TERT: variants seen among roughly 807,000 people sequenced by gnomAD.
The protein encoded by TERT is telomerase catalytic subunit.
In TERT, 42 loss-of-function variants were observed where a neutral mutation model predicts 104.0. The observed-to-expected ratio is 0.40, with a 90% CI of 0.32 to 0.52. TERT has a LOEUF of 0.52. TERT is among the 20% of genes least tolerant of loss of function. The pLI, the probability that TERT is intolerant of heterozygous loss-of-function variation, is 0.43. For missense variants in TERT, 1,101 were observed against 1,610.3 expected, an observed-to-expected ratio of 0.68 and a Z score of 5.41; for synonymous variants, 781 against 725.6, an observed-to-expected ratio of 1.08 and a Z score of -1.23.
At chr5:1,260,408 A>T in intron 12 of TERT, 66 bp downstream of exon 12, 1 of 1,609,762 alleles carries the variant, frequency 6.2e-7, no homozygotes, top group East Asian at 2.2e-5. Context: ...GCGCACACAC[A>T]CACACACATA....
chr5:1,287,118 T>C lies in TERT; in HGVS notation c.1574-4494A>G, dbSNP rs1750541846. Among the ~76,000 whole-genome samples the C allele has an allele frequency of 6.6e-6, 1 of 152,082 alleles. No individual in the cohort carries two copies. Among genetic ancestry groups the C allele is most frequent in the Non-Finnish European group, 1.5e-5 (1 of 68,026 alleles). ...ACAAAAAAATGAAAATAAATCAGGT[T>C]ATCCAGTTAAACAACGACTGTCAGA... On this transcript the variant is annotated intron_variant, in intron 2 of 15. Transcript: ENST00000310581. This position sits in a 1 kb window ranked among gnomAD's most constrained non-coding sequence, Gnocchi z 4.3.
In TERT at chr5:1,269,026, A is replaced by G. The variant is rs1171899477; in HGVS notation, c.2469-393T>C. Reference sequence around the variant, plus strand: ...CACGGTGAAAGACTCATGACCCTACATGTAGCCGCTGCGCGCCAACGGATA... The same window carrying G: ...CACGGTGAAAGACTCATGACCCTACGTGTAGCCGCTGCGCGCCAACGGATA... On this transcript the variant is annotated intron_variant, in intron 8 of 15. Coordinates refer to ENST00000310581, the MANE Select transcript of TERT (RefSeq NM_198253.3). The surrounding 1 kb of genome is among the most constrained non-coding windows in gnomAD (Gnocchi z 9.0). Among the ~76,000 whole-genome samples the G allele has an allele frequency of 6.6e-6, 1 of 151,718 alleles. No individual in the cohort carries two copies. Among genetic ancestry groups the G allele is most frequent in the Non-Finnish European group, 1.5e-5 (1 of 67,944 alleles).
intron 2 of TERT, among the ~76,000 whole-genome samples, chr5:1,290,700 C>T (rs1331287769): frequency 1.5e-5 from 1 of 67,072 alleles, no homozygotes; most frequent in Non-Finnish European, 2.8e-5. Flanking sequence ...TCACCCTGCA[C>T]GTGACAGGGA....
rs1232780244 is a variant in TERT at position 1,293,845 on chromosome 5, G to C, written c.1041C>G (p.Leu347=). 3 of 1,547,790 alleles carry C rather than the reference G, an allele frequency of 1.9e-6. No individual in the cohort carries two copies. Among genetic ancestry groups the C allele is most frequent in the Non-Finnish European group, 2.6e-6 (3 of 1,147,012 alleles). The change falls in exon 2 of 16, where the codon CTC becomes CTG. Residue 347 remains leucine (L), a synonymous_variant. Transcript: ENST00000310581. ...DKEQLRPSFL[L]SSLRPSLTGA... is the part of the protein sequence containing the mutation. Reference sequence around the variant, plus strand: ...CAGTCAGGCTGGGCCTCAGAGAGCTGAGTAGGAAGGAGGGCCGCAGCTGCT... The same window carrying C: ...CAGTCAGGCTGGGCCTCAGAGAGCTCAGTAGGAAGGAGGGCCGCAGCTGCT...
At chr5:1,284,590 CTGGA>C (rs1750340683) in intron 2 of TERT, among the ~76,000 whole-genome samples, 2 of 149,754 alleles carry the variant, frequency 1.3e-5, no homozygotes, top group Admixed American at 6.6e-5. Flanking sequence ...CCTGCACCAT[CTGGA>C]CACTGCACAT....
Position 1,260,650 on chromosome 5 carries a change from C to T in TERT, c.2844-50G>A, listed in dbSNP as rs763704665. Reference sequence around the variant, plus strand: ...ACACAGGTGCCTGCCCCACACCCAGCCCCCTCCTGCAAAGCTTGCTCCAAA... The same window carrying T: ...ACACAGGTGCCTGCCCCACACCCAGTCCCCTCCTGCAAAGCTTGCTCCAAA... On this transcript the variant is annotated intron_variant, in intron 11 of 15. Coordinates refer to ENST00000310581, the MANE Select transcript of TERT (RefSeq NM_198253.3). 5.0e-6 allele frequency: 8 copies of T among 1,609,116 alleles called. No homozygotes were observed. The Admixed American group carries it at 1.3e-4, about 27-fold the overall frequency.
rs2126690338 is a variant in TERT, at chr5:1,294,550, G to C, written c.336C>G (p.Pro112=). 5.7e-6 allele frequency: 9 copies of C among 1,578,748 alleles called. No homozygotes were observed. The highest frequency in any genetic ancestry group is 6.8e-6 in the Non-Finnish European group (8 of 1,170,060). ...TGCGCACGCTGGTGGTGAAGGCCTCGGGGGGGCCCCCGCGGGCCCCGTCCA... is the reference window on the plus strand; with the variant it reads ...TGCGCACGCTGGTGGTGAAGGCCTCCGGGGGGCCCCCGCGGGCCCCGTCCA... ...ALLDGARGGP[P]EAFTTSVRSY... The change falls in exon 2 of 16, where the codon CCC becomes CCG. Residue 112 remains proline (P), a synonymous_variant. Coordinates refer to ENST00000310581, the MANE Select transcript of TERT (RefSeq NM_198253.3).
chr5:1,270,623 G>A lies in TERT; in HGVS notation c.2468+496C>T, dbSNP rs1458489997. ...AGGAGCAAACTACACGGTCAACCCC[G>A]CACTTTCCAGATGGGAAATCTAGTC... is the stretch of plus-strand genomic sequence containing the variant. On this transcript the variant is annotated intron_variant, in intron 8 of 15. Coordinates refer to ENST00000310581, the MANE Select transcript of TERT (RefSeq NM_198253.3). The surrounding 1 kb of genome is among the most constrained non-coding windows in gnomAD (Gnocchi z 8.3). Among the ~76,000 whole-genome samples, 4 of 152,154 alleles carry A rather than the reference G, an allele frequency of 2.6e-5. No homozygotes were observed. Among genetic ancestry groups the A allele is most frequent in the African/African-American group, 9.7e-5 (4 of 41,450 alleles).
rs1060502990 is a variant in TERT, at chr5:1,294,549, C to CG, written c.336dup (p.Glu113ArgfsTer79). On this transcript the variant is annotated frameshift_variant, in exon 2 of 16. Coordinates refer to ENST00000310581, the MANE Select transcript of TERT (RefSeq NM_198253.3). LOFTEE classifies it high-confidence loss of function. ...CTGCGCACGCTGGTGGTGAAGGCCTCGGGGGGGCCCCCGCGGGCCCCGTCC... is the reference window on the plus strand; with the variant it reads ...CTGCGCACGCTGGTGGTGAAGGCCTCGGGGGGGGCCCCCGCGGGCCCCGTCC... 3.8e-6 allele frequency: 6 copies of CG among 1,578,968 alleles called. No homozygotes were observed. The highest frequency in any genetic ancestry group is 1.3e-5 in the African/African-American group (1 of 74,368).
chr5:1,283,518 C>CCA (rs1750215700), intron 2 of TERT, among the ~76,000 whole-genome samples: 1 of 142,450 alleles, frequency 7.0e-6, no homozygotes. Context: ...CAGCTAACCG[C>CCA]AGGGCCTGGC....
At chr5:1,293,030 C>A (rs1751089399) in intron 2 of TERT, among the ~76,000 whole-genome samples, 1 of 152,252 alleles carries the variant, frequency 6.6e-6, no homozygotes, top group Non-Finnish European at 1.5e-5. Flanking sequence ...CAACCCGGCT[C>A]CACTGCCGCG....
chr5:1,287,879 A>G lies in TERT; in HGVS notation c.1574-5255T>C, dbSNP rs1463765849. On this transcript the variant is annotated intron_variant, in intron 2 of 15. Transcript: ENST00000310581. The surrounding 1 kb of genome is among the most constrained non-coding windows in gnomAD (Gnocchi z 4.3). ...CCACTATTGACAGGATGTCAAATTT[A>G]CAATGGACAGTTCTGGAAACCATGC... Among the ~76,000 whole-genome samples the G allele has an allele frequency of 1.3e-5, 2 of 151,970 alleles. No individual in the cohort carries two copies. Among genetic ancestry groups the G allele is most frequent in the Non-Finnish European group, 2.9e-5 (2 of 68,008 alleles).
chr5:1,294,277 C>G lies in TERT; in HGVS notation c.609G>C (p.Trp203Cys), dbSNP rs1561214494. The change falls in exon 2 of 16, where the codon TGG becomes TGC. Residue 203 changes from tryptophan (W) to cysteine (C), a missense_variant. Trp to Cys is a radical substitution (Grantham distance 215, BLOSUM62 -2). Transcript: ENST00000310581. ...PRRRLGCERA[W>C]NHSVREAGVP... ...CCCCGGCCTCCCTGACGCTATGGTT[C>G]CAGGCCCGTTCGCATCCCAGACGCC... The G allele has an allele frequency of 2.0e-5, 32 of 1,594,218 alleles. No individual in the cohort carries two copies. Among genetic ancestry groups the G allele is most frequent in the Non-Finnish European group, 2.6e-5 (31 of 1,176,536 alleles).
chr5:1,282,865 A>G (rs768517036), intron 2 of TERT: 8 of 579,886 alleles, frequency 1.4e-5, no homozygotes, highest in Non-Finnish European at 2.5e-5. Context: ...TGGCGAACTC[A>G]CCCCGGACCT....
rs1747623764 is a variant in TERT, at chr5:1,255,134, G to A, written c.3157+153C>T. 6.6e-6 allele frequency among the ~76,000 whole-genome samples: 1 copy of A among 152,236 alleles called. No homozygotes were observed. Among genetic ancestry groups the A allele is most frequent in the South Asian group, 2.1e-4 (1 of 4,830 alleles). The stretch of plus-strand genomic sequence containing the variant: ...AGGTGCTCTGCTCACCCCACGAGAG[G>A]GCGGGCAGACGAGCCTGACAGTGGT... On this transcript the variant is annotated intron_variant, in intron 14 of 15. Transcript: ENST00000310581. This position sits in a 1 kb window ranked among gnomAD's most constrained non-coding sequence, Gnocchi z 6.9.
intron 6 of TERT, 112 bp from the exon 7 acceptor site, chr5:1,272,392 G>T (rs1199433290): frequency 2.0e-6 from 2 of 1,001,714 alleles, no homozygotes; most frequent in Non-Finnish European, 3.1e-6. Flanking sequence ...CCGATGGCGG[G>T]ATGAAGCCCA....
rs1223394183 is a variant in TERT, at chr5:1,258,643, G to A, written c.2987C>T (p.Thr996Met). ...GATCTTGTAGATGTTGGTGCACACCGTCTGGAGGCTGTTCACCTAGAGTCG... is the reference window on the plus strand; with the variant it reads ...GATCTTGTAGATGTTGGTGCACACCATCTGGAGGCTGTTCACCTAGAGTCG... ...FLDLQVNSLQ[T>M]VCTNIYKILL... The change falls in exon 13 of 16, where the codon ACG becomes ATG. Residue 996 changes from threonine (T) to methionine (M), a missense_variant. Around this residue, in one of 5 missense-constraint regions of TERT, gnomAD observed 463 missense variants for 797.5 expected, o/e 0.58. Coordinates refer to ENST00000310581, the MANE Select transcript of TERT (RefSeq NM_198253.3). 5 of 1,570,508 alleles carry A rather than the reference G, an allele frequency of 3.2e-6. No homozygotes were observed. The highest frequency in any genetic ancestry group is 3.5e-6 in the Non-Finnish European group (4 of 1,156,926).
chr5:1,255,472 G>A lies in TERT; in HGVS notation c.3033-61C>T. Reference sequence around the variant, plus strand: ...TCCTAATCAGACGGTGCTCGTGGGTGTGGGCATGGGCCCACCGGTGCCTGT... The same window carrying A: ...TCCTAATCAGACGGTGCTCGTGGGTATGGGCATGGGCCCACCGGTGCCTGT... On this transcript the variant is annotated intron_variant, in intron 13 of 15. Coordinates refer to ENST00000310581, the MANE Select transcript of TERT (RefSeq NM_198253.3). This position sits in a 1 kb window ranked among gnomAD's most constrained non-coding sequence, Gnocchi z 6.9. 1 of 1,610,966 alleles carries A rather than the reference G, an allele frequency of 6.2e-7. No individual in the cohort carries two copies. The highest frequency in any genetic ancestry group is 8.5e-7 in the Non-Finnish European group (1 of 1,178,536).
At chr5:1,267,792 C>CT (rs1332361184) in intron 9 of TERT, among the ~76,000 whole-genome samples, 1 of 152,074 alleles carries the variant, frequency 6.6e-6, no homozygotes. Context: ...AATGAGAACA[C>CT]TTGGACACAG....
Sources: allele counts gnomAD v4.1 joint callset (sites outside exome capture counted in the v4.1 genomes callset), GRCh38; gene constraint gnomAD v4.1.1; regional missense constraint gnomAD v4.1.1; non-coding constraint Gnocchi (gnomAD v3.1); transcripts MANE v1.5; gene names NCBI Gene and HGNC (gene_info 2026-07-23, HGNC 2026-07-21).